NDUFV2: variants seen among roughly 807,000 people sequenced by gnomAD.
NDUFV2 encodes the protein NADH:ubiquinone oxidoreductase core subunit V2.
Under a neutral mutation model 31.6 loss-of-function variants are expected in NDUFV2, and 18 were observed. That is an observed-to-expected ratio of 0.57 (90% CI 0.39 to 0.84). The LOEUF (loss-of-function observed/expected upper bound fraction) is 0.84, where lower values mean the gene tolerates loss of function less well. Ranked by LOEUF, NDUFV2 falls within the 40% of genes least tolerant of loss-of-function variation. The probability of loss-of-function intolerance (pLI) is 0.00; values close to 1 mark genes in which losing one functional copy is unlikely to be tolerated. For missense variants in NDUFV2, 314 were observed against 303.6 expected, an observed-to-expected ratio of 1.03 and a Z score of -0.26; for synonymous variants, 83 against 99.8, an observed-to-expected ratio of 0.83 and a Z score of 1.01.
At chr18:9,117,102 T>TCTCGGCTCACTGCAAC (rs1266114270) in intron 1 of NDUFV2, among the ~76,000 whole-genome samples, 1 of 151,788 alleles carries the variant, frequency 6.6e-6, no homozygotes, top group Non-Finnish European at 1.5e-5. Flanking sequence ...GGTGGCGCGA[T>TCTCGGCTCACTGCAAC]CTCGGCTCAC....
chr18:9,133,141 C>G (rs1433503420), intron 7 of NDUFV2, among the ~76,000 whole-genome samples: 2 of 152,112 alleles, frequency 1.3e-5, no homozygotes, highest in African/African-American at 4.8e-5. Context: ...GTGTCACTTT[C>G]CTGGCTCCAA....
At chr18:9,104,311 T>C (rs755830920) in intron 1 of NDUFV2, 17 of 1,605,762 alleles carry the variant, frequency 1.1e-5, no homozygotes, top group African/African-American at 4.0e-5. Context: ...AATTTGATTT[T>C]AGAGGCCGTC....
intron 1 of NDUFV2, among the ~76,000 whole-genome samples, chr18:9,105,569 A>G (rs1474074344): frequency 1.3e-5 from 2 of 152,142 alleles, no homozygotes; most frequent in African/African-American, 2.4e-5. Flanking sequence ...CCAAGCTGCT[A>G]TTGTAGTTTC....
chr18:9,109,125 G>A (rs763864366), intron 1 of NDUFV2, among the ~76,000 whole-genome samples: 15 of 152,192 alleles, frequency 9.9e-5, no homozygotes, highest in Non-Finnish European at 2.2e-4. Flanking sequence ...AGCAGATGTT[G>A]TGAACAGTGA....
At chr18:9,126,934 T>G in intron 7 of NDUFV2, 27 bp downstream of exon 7, 1 of 1,549,820 alleles carries the variant, frequency 6.5e-7, no homozygotes, top group South Asian at 1.1e-5. Context: ...TATAGGAAGT[T>G]TTAGTGGCTC....
In NDUFV2 at chr18:9,122,604, A is replaced by T. The variant is rs748211137; in HGVS notation, c.392A>T (p.His131Leu). ...AATCGAAAGCCAGTTGGAAAGTATC[A>T]CATTCAGGTCTGCACTACTACACCC... ...MYNRKPVGKY[H>L]IQVCTTTPCM... The change falls in exon 5 of 8, where the codon CAC becomes CTC. Residue 131 changes from histidine (H) to leucine (L), a missense_variant. Coordinates refer to ENST00000318388, the MANE Select transcript of NDUFV2 (RefSeq NM_021074.5). The T allele has an allele frequency of 1.2e-5, 20 of 1,614,044 alleles. No individual in the cohort carries two copies. The highest frequency in any genetic ancestry group is 1.5e-5 in the Non-Finnish European group (18 of 1,179,940).
intron 1 of NDUFV2, among the ~76,000 whole-genome samples, chr18:9,108,724 T>A (rs2077854406): frequency 6.8e-6 from 1 of 148,116 alleles, no homozygotes; most frequent in Admixed American, 6.9e-5. Flanking sequence ...AGAGTCTTAC[T>A]CTGTTGCCCA....
chr18:9,105,045 A>T, intron 1 of NDUFV2: 3 of 1,423,044 alleles, frequency 2.1e-6, no homozygotes, highest in South Asian at 3.1e-5. Flanking sequence ...TTATCAGTAG[A>T]CATTTCTATA....
chr18:9,122,238 C>G (rs1458770206), intron 4 of NDUFV2, among the ~76,000 whole-genome samples: 2 of 152,058 alleles, frequency 1.3e-5, no homozygotes, highest in African/African-American at 4.8e-5. Flanking sequence ...AAAAGAATAT[C>G]CTTTTACAGA....
intron 2 of NDUFV2, 135 bp from the exon 3 acceptor site, chr18:9,119,191 G>T (rs1483568680): frequency 1.4e-6 from 1 of 708,142 alleles, no homozygotes; most frequent in Admixed American, 2.3e-5. Context: ...CTTTTTGATG[G>T]AAGGATAGGG....
At chr18:9,131,948 G>A (rs1032621423) in intron 7 of NDUFV2, among the ~76,000 whole-genome samples, 1 of 152,152 alleles carries the variant, frequency 6.6e-6, no homozygotes, top group Admixed American at 6.5e-5. Context: ...AGATGAAAGG[G>A]GGGGTTACAT....
chr18:9,134,272 G>C lies in NDUFV2; in HGVS notation c.743G>C (p.Gly248Ala). The change falls in exon 8 of 8, where the codon GGC becomes GCC. Residue 248 changes from glycine (G) to alanine (A), a missense_variant. Coordinates refer to ENST00000318388, the MANE Select transcript of NDUFV2 (RefSeq NM_021074.5). Reference sequence around the variant, plus strand: ...GGACCTGGATTTGGTGTACAAGCAGGCCTTTAATTTATATTGAACTGTAAA... The same window carrying C: ...GGACCTGGATTTGGTGTACAAGCAGCCCTTTAATTTATATTGAACTGTAAA... ...PKGPGFGVQA[G>A]L The C allele has an allele frequency of 6.2e-7, 1 of 1,609,474 alleles. No individual in the cohort carries two copies. The highest frequency in any genetic ancestry group is 1.3e-5 in the African/African-American group (1 of 74,916).
At chr18:9,129,636 G>A (rs956783603) in intron 7 of NDUFV2, among the ~76,000 whole-genome samples, 8 of 152,150 alleles carry the variant, frequency 5.3e-5, no homozygotes, top group Non-Finnish European at 1.2e-4. Flanking sequence ...CCTGAATGAA[G>A]AGCTAGAGGG....
At chr18:9,117,776 T>C (rs1305711828) in intron 1 of NDUFV2, 62 bp from the exon 2 acceptor site, 2 of 928,664 alleles carry the variant, frequency 2.2e-6, no homozygotes, top group Non-Finnish European at 3.5e-6. Flanking sequence ...CTAAAGTATT[T>C]CTTTATGAAA....
intron 1 of NDUFV2, among the ~76,000 whole-genome samples, chr18:9,112,908 TATG>T (rs1351758351): frequency 1.3e-5 from 2 of 152,186 alleles, no homozygotes; most frequent in African/African-American, 2.4e-5. Flanking sequence ...GAATATGTAT[TATG>T]ATAAAAAATA....
intron 1 of NDUFV2, chr18:9,112,771 A>G (rs1262315468): frequency 6.6e-6 from 1 of 152,268 alleles, no homozygotes; most frequent in Non-Finnish European, 1.5e-5. Flanking sequence ...GGCATGAGCC[A>G]CTGTACCCGG....
chr18:9,120,433 A>G (rs1400256151), intron 4 of NDUFV2, among the ~76,000 whole-genome samples: 2 of 152,202 alleles, frequency 1.3e-5, no homozygotes, highest in Non-Finnish European at 2.9e-5. Flanking sequence ...CGGTAGTGCT[A>G]GGACTGAATT....
At chr18:9,120,636 T>C (rs1008554750) in intron 4 of NDUFV2, among the ~76,000 whole-genome samples, 5 of 149,278 alleles carry the variant, frequency 3.3e-5, no homozygotes, top group African/African-American at 1.2e-4. Context: ...TTTATTGATA[T>C]TTTATTTTAT....
intron 7 of NDUFV2, among the ~76,000 whole-genome samples, chr18:9,130,012 G>C (rs1052942413): frequency 6.6e-6 from 1 of 152,120 alleles, no homozygotes; most frequent in African/African-American, 2.4e-5. Context: ...TTGTGGTAGG[G>C]CAAGTTTGGG....
Sources: allele counts gnomAD v4.1 joint callset (sites outside exome capture counted in the v4.1 genomes callset), GRCh38; gene constraint gnomAD v4.1.1; transcripts MANE v1.5; gene names NCBI Gene and HGNC (gene_info 2026-07-23, HGNC 2026-07-21).